Variants in ZNF66 observed in about 807,000 individuals in gnomAD.
ZNF66 encodes the protein putative zinc finger protein 66.
A neutral mutation model predicts 35.2 loss-of-function variants in ZNF66; 32 were observed. The ratio of observed to expected loss-of-function variants is 0.91; its 90% CI spans 0.69 to 1.22. The LOEUF is 1.22. Ranked by LOEUF, ZNF66 falls within the 50% of genes most tolerant of loss-of-function variation. ZNF66 has a pLI of 0.00. For synonymous variants in ZNF66, 231 were observed against 181.3 expected (o/e 1.27, Z -2.20); for missense variants, 666 against 543.1 (o/e 1.23, Z -2.25).
rs890650374 is a variant in ZNF66 at position 20,809,851 on chromosome 19, G to A, written c.*2529G>A. ...AACAATATTAGCTTTAAATGTAAAT[G>A]GGCTAAATGCTCCAATTAAAAGACA... On this transcript the variant is annotated 3_prime_UTR_variant, in exon 4 of 4. Coordinates refer to ENST00000344519, the MANE Select transcript of ZNF66 (RefSeq NM_001355197.2). Among the ~76,000 whole-genome samples, 9 of 151,970 alleles carry A rather than the reference G, an allele frequency of 5.9e-5. No homozygotes were observed. The highest frequency in any genetic ancestry group is 2.2e-4 in the African/African-American group (9 of 41,378).
At chr19:20,793,570 C>T (rs537861167) in intron 2 of ZNF66, among the ~76,000 whole-genome samples, 40 of 152,108 alleles carry the variant, frequency 2.6e-4, no homozygotes, top group African/African-American at 9.6e-4. Context: ...ATCTGCCTGC[C>T]TCGGCCTCCC....
intron 1 of ZNF66, among the ~76,000 whole-genome samples, chr19:20,786,659 T>C (rs1971289800): frequency 1.4e-5 from 1 of 73,582 alleles, no homozygotes; most frequent in African/African-American, 4.3e-5. Flanking sequence ...AAAAGTGCAG[T>C]TACATCTTTA....
intron 3 of ZNF66, among the ~76,000 whole-genome samples, chr19:20,803,915 T>C (rs1265582636): frequency 1.3e-5 from 2 of 152,134 alleles, no homozygotes; most frequent in Non-Finnish European, 2.9e-5. Context: ...CACAGTTTCC[T>C]TCTCACTTGC....
chr19:20,791,830 A>G (rs1971340723), intron 1 of ZNF66, among the ~76,000 whole-genome samples: 1 of 152,084 alleles, frequency 6.6e-6, no homozygotes, highest in Non-Finnish European at 1.5e-5. Context: ...TCTCTGACAG[A>G]CTTTTTTTTA....
At chr19:20,791,499 A>G (rs545853708) in intron 1 of ZNF66, among the ~76,000 whole-genome samples, 3 of 151,550 alleles carry the variant, frequency 2.0e-5, no homozygotes, top group Admixed American at 6.6e-5. Context: ...AAAAAAAAAA[A>G]AAAAAAGAAA....
chr19:20,782,198 G>T (rs571477683), intron 1 of ZNF66, among the ~76,000 whole-genome samples: 3 of 152,288 alleles, frequency 2.0e-5, no homozygotes, highest in African/African-American at 7.2e-5. Flanking sequence ...ACCTGCCTTG[G>T]CCTCCCAAAG....
At chr19:20,803,111 C>T (rs423379) in intron 3 of ZNF66, among the ~76,000 whole-genome samples, 14,035 of 151,960 alleles carry the variant, frequency 0.092, 594 homozygotes, top group Middle Eastern at 0.11. Flanking sequence ...CTTTTTTTAT[C>T]ATTAGATCTC....
Position 20,808,921 on chromosome 19 carries a change from C to G in ZNF66, c.*1599C>G. Among the ~76,000 whole-genome samples the G allele has an allele frequency of 7.0e-6, 1 of 143,048 alleles. No homozygotes were observed. The highest frequency in any genetic ancestry group is 2.0e-4 in the East Asian group (1 of 5,116). The allele number at this position is 143,048 out of a possible 152,430, so 93.8% of individuals were successfully genotyped here. A position where few individuals can be genotyped will look rare whatever the true frequency, so the allele number is the denominator to read the frequency against. ...CCGAGCTACAGGAGGAAATTCAAAC[C>G]AAAGGCAAAGAAGTTAAAAAATTAG... On this transcript the variant is annotated 3_prime_UTR_variant, in exon 4 of 4. Coordinates refer to ENST00000344519, the MANE Select transcript of ZNF66 (RefSeq NM_001355197.2).
At chr19:20,780,929 C>T (rs1013866008) in intron 1 of ZNF66, among the ~76,000 whole-genome samples, 1 of 152,182 alleles carries the variant, frequency 6.6e-6, no homozygotes, top group African/African-American at 2.4e-5. Context: ...GACACGTCCA[C>T]ACTCCTCCCA....
chr19:20,806,625 A>C lies in ZNF66; in HGVS notation c.1025A>C (p.Lys342Thr). Residue 342 changes from lysine (K) to threonine (T), a missense_variant, in exon 4 of 4, where the codon AAA becomes ACA. Coordinates refer to ENST00000344519, the MANE Select transcript of ZNF66 (RefSeq NM_001355197.2). The part of the protein sequence containing the change: ...KRIHTGEKPY[K>T]CEECGKGFKY... ...ATTCATACTGGAGAGAAACCCTACAAATGTGAAGAATGTGGCAAAGGCTTT... is the reference window on the plus strand; with the variant it reads ...ATTCATACTGGAGAGAAACCCTACACATGTGAAGAATGTGGCAAAGGCTTT... The C allele has an allele frequency of 6.3e-7, 1 of 1,581,976 alleles. No individual in the cohort carries two copies. The highest frequency in any genetic ancestry group is 8.7e-7 in the Non-Finnish European group (1 of 1,152,238).
chr19:20,783,555 T>G (rs1971262468), intron 1 of ZNF66, among the ~76,000 whole-genome samples: 1 of 152,212 alleles, frequency 6.6e-6, no homozygotes, highest in Non-Finnish European at 1.5e-5. Flanking sequence ...AGACACAGAT[T>G]TGTTTAGTTA....
intron 1 of ZNF66, among the ~76,000 whole-genome samples, chr19:20,781,812 A>G (rs189751567): frequency 1.3e-5 from 2 of 151,904 alleles, no homozygotes; most frequent in African/African-American, 4.8e-5. Context: ...AGGCCTCTGC[A>G]TTTGTTTTCT....
chr19:20,805,762 G>C, intron 3 of ZNF66, 65 bp from the exon 4 acceptor site: 1 of 470,966 alleles, frequency 2.1e-6, no homozygotes. Context: ...TTATAGGTTA[G>C]ATTTGTAAAG....
intron 1 of ZNF66, among the ~76,000 whole-genome samples, chr19:20,789,318 T>C (rs9783963): frequency 0.093 from 14,166 of 152,232 alleles, 672 homozygotes; most frequent in Middle Eastern, 0.11. Flanking sequence ...TTGGTCTGAC[T>C]ATACCTTGGA....
chr19:20,800,411 A>C (rs1282125170), intron 3 of ZNF66, among the ~76,000 whole-genome samples: 1 of 152,164 alleles, frequency 6.6e-6, no homozygotes, highest in Non-Finnish European at 1.5e-5. Flanking sequence ...TATTTTATGT[A>C]TCTATGAAGC....
chr19:20,779,139 C>T (rs1351021019), intron 1 of ZNF66, among the ~76,000 whole-genome samples: 4 of 152,126 alleles, frequency 2.6e-5, no homozygotes, highest in African/African-American at 9.7e-5. Context: ...CTGAGAGGGT[C>T]TTACTGATGA....
At chr19:20,781,695 A>G (rs1971246657) in intron 1 of ZNF66, among the ~76,000 whole-genome samples, 1 of 151,870 alleles carries the variant, frequency 6.6e-6, no homozygotes, top group South Asian at 2.1e-4. Context: ...TTTAATAGAG[A>G]TGGAGTTTCT....
In ZNF66 at chr19:20,792,628, G is replaced by C. The variant is rs1347717082; in HGVS notation, c.120G>C (p.Leu40=). 2.1e-6 allele frequency: 3 copies of C among 1,418,442 alleles called. No homozygotes were observed. Among genetic ancestry groups the C allele is most frequent in the Non-Finnish European group, 2.9e-6 (3 of 1,017,464 alleles). The allele number at this position is 1,418,442 out of a possible 1,614,324, so 87.9% of individuals were successfully genotyped here. ...RDVMLENYRN[L]VFLGIVVSKP... ...TGATGTTAGAGAACTACAGAAACCT[G>C]GTCTTTCTTGGTGAGAAAAACTTTA... Residue 40 remains leucine, a synonymous_variant, in exon 2 of 4, where the codon CTG becomes CTC. Transcript: ENST00000344519.
In ZNF66 at chr19:20,808,501, C is replaced by G. The variant is rs192655630; in HGVS notation, c.*1179C>G. Among the ~76,000 whole-genome samples the G allele has an allele frequency of 6.3e-4, 96 of 152,224 alleles. No homozygotes were observed. The highest frequency in any genetic ancestry group is 2.3e-3 in the African/African-American group (94 of 41,542). ...GCTGGGTACTCCTCATATAAAACTT[C>G]CAGAGGACCGATCAGGCAGCAGCAT... On this transcript the variant is annotated 3_prime_UTR_variant, in exon 4 of 4. Transcript: ENST00000344519.
Sources: gnomAD v4.1 joint callset for allele counts (sites outside exome capture counted in the v4.1 genomes callset) on GRCh38, gnomAD v4.1.1 for gene constraint, MANE v1.5 for transcripts, NCBI Gene and HGNC (gene_info 2026-07-23, HGNC 2026-07-21) for gene names.